FUT8: variants seen among roughly 807,000 people sequenced by gnomAD.
The protein encoded by FUT8 is fucosyltransferase 8, also known as alpha-(1,6)-fucosyltransferase.
FUT8 carries 29 observed loss-of-function variants against 71.3 expected under a neutral mutation model. The ratio of observed to expected loss-of-function variants is 0.41; its 90% CI spans 0.30 to 0.55. The LOEUF (loss-of-function observed/expected upper bound fraction) is 0.55. Among genes scored for constraint, FUT8 ranks in the 20% least tolerant of loss-of-function variants. The pLI, the probability that FUT8 is intolerant of heterozygous loss-of-function variation, is 0.34. For synonymous variants in FUT8, 254 were observed against 239.3 expected (o/e 1.06, Z -0.57); for missense variants, 544 against 702.1 (o/e 0.77, Z 2.55).
At chr14:65,435,212 C>T (rs1050334801) in intron 1 of FUT8, among the ~76,000 whole-genome samples, 37 of 152,082 alleles carry the variant, frequency 2.4e-4, no homozygotes, top group Non-Finnish European at 5.0e-4. Context: ...ATATAATATA[C>T]AATGTAAATA....
chr14:65,389,227 C>G, the FUT8 span, among the ~76,000 whole-genome samples: 182 of 151,698 alleles, frequency 1.2e-3, no homozygotes, highest in East Asian at 3.1e-3. Flanking sequence ...CTTTTTGAGA[C>G]AAGGTCTCAT....
At chr14:65,508,430 G>T (rs1395531195) in intron 2 of FUT8, among the ~76,000 whole-genome samples, 1 of 127,038 alleles carries the variant, frequency 7.9e-6, no homozygotes, top group African/African-American at 3.0e-5. Context: ...GAAAATGTCT[G>T]TTCAGAACTT....
intron 7 of FUT8, among the ~76,000 whole-genome samples, chr14:65,680,867 TA>T (rs1893002968): frequency 6.6e-6 from 1 of 152,218 alleles, no homozygotes; most frequent in South Asian, 2.1e-4. Context: ...ATATAGGATA[TA>T]AGCTCCTTCA....
chr14:65,554,619 A>G (rs1032894592), intron 2 of FUT8, among the ~76,000 whole-genome samples: 7 of 152,048 alleles, frequency 4.6e-5, no homozygotes, highest in African/African-American at 1.7e-4. Context: ...AGTCAGTCCA[A>G]CAGTGGTTTG....
chr14:65,488,797 A>G (rs1297776305), intron 2 of FUT8, among the ~76,000 whole-genome samples: 1 of 152,150 alleles, frequency 6.6e-6, no homozygotes. Flanking sequence ...GAAAGTGTGA[A>G]TATTTGGCCA....
At chr14:65,566,494 C>G in intron 3 of FUT8, among the ~76,000 whole-genome samples, 1 of 151,908 alleles carries the variant, frequency 6.6e-6, no homozygotes, top group African/African-American at 2.4e-5. Context: ...TGTATAGACC[C>G]GATTGATAGA....
At chr14:65,525,544 T>G (rs1282052926) in intron 2 of FUT8, among the ~76,000 whole-genome samples, 1 of 152,176 alleles carries the variant, frequency 6.6e-6, no homozygotes, top group Non-Finnish European at 1.5e-5. Flanking sequence ...TTTGAAGGGT[T>G]TTTTGTGTCT....
At chr14:65,628,252 G>A (rs2140258464) in intron 5 of FUT8, among the ~76,000 whole-genome samples, 1 of 152,250 alleles carries the variant, frequency 6.6e-6, no homozygotes, top group East Asian at 1.9e-4. Flanking sequence ...GATGGTAGTG[G>A]GAGATGAGAT....
intron 2 of FUT8, among the ~76,000 whole-genome samples, chr14:65,522,174 G>A (rs1450520560): frequency 6.6e-6 from 1 of 152,116 alleles, no homozygotes; most frequent in Admixed American, 6.5e-5. Flanking sequence ...GAATCAGATT[G>A]CTTGGTTGAA....
At chr14:65,600,500 A>T (rs1353261775) in intron 3 of FUT8, among the ~76,000 whole-genome samples, 5 of 152,240 alleles carry the variant, frequency 3.3e-5, no homozygotes, top group African/African-American at 1.2e-4. Flanking sequence ...ACATTAAATA[A>T]GTGGTTATAG....
upstream of FUT8, chr14:65,412,173 C>T: frequency 2.2e-6 from 1 of 456,694 alleles, no homozygotes; most frequent in Non-Finnish European, 4.4e-6. Context: ...ACAGCTCTTA[C>T]AAGATAAAGT....
At chr14:65,522,088 T>G (rs933984797) in intron 2 of FUT8, among the ~76,000 whole-genome samples, 1 of 152,166 alleles carries the variant, frequency 6.6e-6, no homozygotes, top group Non-Finnish European at 1.5e-5. Context: ...TCCTTTTGTT[T>G]CAGTTGTCTC....
rs1203112769 is a variant in FUT8 at position 65,413,544 on chromosome 14, TG to T, written c.-326+335del. On this transcript the variant is annotated intron_variant, in intron 1 of 10. Transcript: ENST00000673929. This position sits in a 1 kb window ranked among gnomAD's most constrained non-coding sequence, Gnocchi z 4.1. ...CCAAAGCCTAGGGAAGGAGAAGGGT[TG>T]GGGGCGGGGGTGGGAGGTGTCCGTC... is the stretch of plus-strand genomic sequence containing the variant. Among the ~76,000 whole-genome samples, 1 of 119,464 alleles carries T rather than the reference TG, an allele frequency of 8.4e-6. No homozygotes were observed. Among genetic ancestry groups the T allele is most frequent in the Non-Finnish European group, 1.8e-5 (1 of 56,304 alleles). The allele number at this position is 119,464 out of a possible 152,430, so 78.4% of individuals were successfully genotyped here.
chr14:65,504,327 T>C (rs369929221), intron 2 of FUT8, among the ~76,000 whole-genome samples: 2 of 152,230 alleles, frequency 1.3e-5, no homozygotes, highest in African/African-American at 4.8e-5. Flanking sequence ...GACTCAAATG[T>C]AGGGATATAT....
At chr14:65,613,710 C>T (rs542502879) in intron 3 of FUT8, among the ~76,000 whole-genome samples, 3 of 152,118 alleles carry the variant, frequency 2.0e-5, no homozygotes, top group African/African-American at 4.8e-5. Flanking sequence ...CTTTATTAAA[C>T]GTGTTCTGAA....
chr14:65,397,860 G>C, the FUT8 span, among the ~76,000 whole-genome samples: 2 of 152,202 alleles, frequency 1.3e-5, no homozygotes, highest in African/African-American at 4.8e-5. This position sits in a 1 kb window ranked among gnomAD's most constrained non-coding sequence, Gnocchi z 4.2. Flanking sequence ...GATTTTTCGT[G>C]ACCAGAAATA....
At chr14:65,570,151 A>G (rs1005654118) in intron 3 of FUT8, among the ~76,000 whole-genome samples, 1 of 152,056 alleles carries the variant, frequency 6.6e-6, no homozygotes, top group East Asian at 1.9e-4. Context: ...GAGAAATTTC[A>G]TTCTGTCTTA....
intron 6 of FUT8, among the ~76,000 whole-genome samples, chr14:65,639,141 T>G (rs1890709980): frequency 6.7e-6 from 1 of 149,556 alleles, no homozygotes; most frequent in African/African-American, 2.5e-5. Flanking sequence ...GAACAAGAAG[T>G]GGTAGTGGAT....
intron 1 of FUT8, among the ~76,000 whole-genome samples, chr14:65,439,791 G>C (rs1468370898): frequency 6.6e-6 from 1 of 151,640 alleles, no homozygotes; most frequent in African/African-American, 2.4e-5. Context: ...AAACCATCAC[G>C]TAAGTGCTGA....
Sources: gnomAD v4.1 joint callset for allele counts (sites outside exome capture counted in the v4.1 genomes callset) on GRCh38, gnomAD v4.1.1 for gene constraint, Gnocchi (gnomAD v3.1) non-coding constraint, MANE v1.5 for transcripts, NCBI Gene and HGNC (gene_info 2026-07-23, HGNC 2026-07-21) for gene names.